NR3C1: variants seen among roughly 807,000 people sequenced by gnomAD.
NR3C1 encodes the protein nuclear receptor subfamily 3 group C member 1, also known as glucocorticoid receptor.
A neutral mutation model predicts 74.0 loss-of-function variants in NR3C1; 14 were observed. The observed-to-expected ratio is 0.19, with a 90% CI of 0.12 to 0.30. NR3C1 has a LOEUF of 0.30. Among genes scored for constraint, NR3C1 ranks in the 10% least tolerant of loss-of-function variants. NR3C1 has a pLI of 1.00. For synonymous variants in NR3C1, 308 were observed against 332.5 expected (o/e 0.93, Z 0.80); for missense variants, 695 against 909.8 (o/e 0.76, Z 3.04).
At chr5:143,331,788 G>C (rs1317098942) in intron 2 of NR3C1, among the ~76,000 whole-genome samples, 36 of 152,168 alleles carry the variant, frequency 2.4e-4, no homozygotes, top group Non-Finnish European at 2.9e-5. Flanking sequence ...CTACTTGAGG[G>C]TGGGAAGAGA....
At chr5:143,378,274 T>C (rs997465329) in intron 2 of NR3C1, among the ~76,000 whole-genome samples, 1 of 151,882 alleles carries the variant, frequency 6.6e-6, no homozygotes, top group South Asian at 2.1e-4. Flanking sequence ...TAATACAAAA[T>C]GAATTGGGAA....
At chr5:143,324,939 T>C (rs1294983355) in intron 2 of NR3C1, among the ~76,000 whole-genome samples, 1 of 152,172 alleles carries the variant, frequency 6.6e-6, no homozygotes, top group Admixed American at 6.5e-5. Context: ...CTAATATCCA[T>C]CTGAGACCAC....
At chr5:143,329,496 A>G (rs1480651118) in intron 2 of NR3C1, among the ~76,000 whole-genome samples, 1 of 152,216 alleles carries the variant, frequency 6.6e-6, no homozygotes, top group African/African-American at 2.4e-5. Flanking sequence ...CCAGAACACT[A>G]TATTATACAT....
At chr5:143,298,550 T>C in intron 6 of NR3C1, 118 bp downstream of exon 6, 2 of 1,145,850 alleles carry the variant, frequency 1.7e-6, no homozygotes, top group Admixed American at 3.6e-5. Flanking sequence ...GCCTAGATCC[T>C]AGATACCTAG....
chr5:143,294,438 G>A, intron 7 of NR3C1: 1 of 512,476 alleles, frequency 2.0e-6, no homozygotes, highest in Non-Finnish European at 2.5e-6. Context: ...TAAGTTCACA[G>A]CAAAATTGGG....
intron 4 of NR3C1, among the ~76,000 whole-genome samples, chr5:143,306,205 T>C (rs1482356247): frequency 2.0e-5 from 3 of 152,224 alleles, no homozygotes; most frequent in Non-Finnish European, 4.4e-5. Context: ...ATCTTGAGAT[T>C]TACTTGGTAT....
intron 1 of NR3C1, among the ~76,000 whole-genome samples, chr5:143,420,082 C>A (rs543387039): frequency 1.3e-5 from 2 of 152,146 alleles, no homozygotes; most frequent in African/African-American, 2.4e-5. Context: ...GGCTCACCGG[C>A]GGTCAGAGTT....
At chr5:143,423,948 G>C (rs1000708755) in intron 1 of NR3C1, among the ~76,000 whole-genome samples, 4 of 151,582 alleles carry the variant, frequency 2.6e-5, no homozygotes, top group Non-Finnish European at 1.5e-5. Context: ...AAGGGTAGTG[G>C]GGAGGGGGGA....
chr5:143,294,786 A>T (rs1385213138), intron 7 of NR3C1: 1 of 334,004 alleles, frequency 3.0e-6, no homozygotes, highest in East Asian at 1.7e-4. Flanking sequence ...TATGCATTTA[A>T]CGTCCCTCCA....
At chr5:143,315,061 T>C (rs1294697879) in intron 2 of NR3C1, among the ~76,000 whole-genome samples, 2 of 152,142 alleles carry the variant, frequency 1.3e-5, no homozygotes, top group Non-Finnish European at 2.9e-5. Context: ...GTTTTAAAAA[T>C]TTTCAATCTC....
chr5:143,372,931 G>C (rs1834471952), intron 2 of NR3C1, among the ~76,000 whole-genome samples: 1 of 152,116 alleles, frequency 6.6e-6, no homozygotes, highest in Non-Finnish European at 1.5e-5. Flanking sequence ...TTTATTCCAA[G>C]TCGTAATCTC....
chr5:143,368,332 T>C (rs1309009029), intron 2 of NR3C1, among the ~76,000 whole-genome samples: 2 of 152,144 alleles, frequency 1.3e-5, no homozygotes, highest in East Asian at 3.9e-4. Context: ...ATCAGGCAAC[T>C]TTTTAAAGAT....
At chr5:143,359,816 G>C (rs920553435) in intron 2 of NR3C1, among the ~76,000 whole-genome samples, 1 of 152,166 alleles carries the variant, frequency 6.6e-6, no homozygotes, top group Non-Finnish European at 1.5e-5. Context: ...TACTCGGCAG[G>C]CTGAGGCAGG....
chr5:143,366,758 G>C (rs1474318544), intron 2 of NR3C1, among the ~76,000 whole-genome samples: 1 of 151,860 alleles, frequency 6.6e-6, no homozygotes, highest in African/African-American at 2.4e-5. Context: ...ATGACTCAAG[G>C]AGAAAAAAAT....
At chr5:143,292,798 G>C (rs933172101) in intron 7 of NR3C1, among the ~76,000 whole-genome samples, 1 of 152,182 alleles carries the variant, frequency 6.6e-6, no homozygotes, top group African/African-American at 2.4e-5. Flanking sequence ...CCTGGCTTCA[G>C]TGGCATCTTT....
At chr5:143,283,337 A>AAATC (rs1305494536) in intron 7 of NR3C1, among the ~76,000 whole-genome samples, 1 of 152,256 alleles carries the variant, frequency 6.6e-6, no homozygotes, top group Non-Finnish European at 1.5e-5. Flanking sequence ...AACCTTGAGT[A>AAATC]AATCACTTGA....
At chr5:143,365,289 C>G (rs1235624804) in intron 2 of NR3C1, among the ~76,000 whole-genome samples, 3 of 152,138 alleles carry the variant, frequency 2.0e-5, no homozygotes, top group Non-Finnish European at 4.4e-5. Context: ...CAATTGCTAT[C>G]TACAGAGATT....
intron 2 of NR3C1, among the ~76,000 whole-genome samples, chr5:143,369,674 G>A (rs1833917104): frequency 6.6e-6 from 1 of 152,188 alleles, no homozygotes; most frequent in Non-Finnish European, 1.5e-5. Flanking sequence ...AGTAACATTT[G>A]TGATTGTCAG....
chr5:143,293,853 T>C (rs1464029441), intron 7 of NR3C1: 5 of 968,622 alleles, frequency 5.2e-6, no homozygotes, highest in Middle Eastern at 5.3e-4. Flanking sequence ...ATGTATACAA[T>C]TGAAACCATT....
Sources: gnomAD v4.1 joint callset for allele counts (sites outside exome capture counted in the v4.1 genomes callset) on GRCh38, gnomAD v4.1.1 for gene constraint, MANE v1.5 for transcripts, NCBI Gene and HGNC (gene_info 2026-07-23, HGNC 2026-07-21) for gene names.